The following CHST15 variants were observed in gnomAD, a reference collection of about 807,000 sequenced individuals.
CHST15 encodes B cell RAG associated protein (GALNAC4S-6ST).
Under a neutral mutation model 53.6 loss-of-function variants are expected in CHST15, and 30 were observed. The observed-to-expected ratio is 0.56, with a 90% CI of 0.42 to 0.76. CHST15 has a LOEUF of 0.76. Among genes scored for constraint, CHST15 ranks in the 30% least tolerant of loss-of-function variants. The pLI, the probability that CHST15 is intolerant of heterozygous loss-of-function variation, is 0.00. For synonymous variants in CHST15, 296 were observed against 289.8 expected (o/e 1.02, Z -0.22); for missense variants, 627 against 740.5 (o/e 0.85, Z 1.78).
chr10:124,069,367 ACCC>A (rs60053494), intron 1 of CHST15, among the ~76,000 whole-genome samples: 3 of 141,924 alleles, frequency 2.1e-5, no homozygotes, highest in South Asian at 2.2e-4. Context: ...TGTTTGGGGG[ACCC>A]CCCCCCCAAC....
At chr10:124,020,941 C>G in intron 6 of CHST15, 2 of 1,390,108 alleles carry the variant, frequency 1.4e-6, no homozygotes, top group Non-Finnish European at 1.9e-6. Flanking sequence ...GTTGGGTGTC[C>G]TCATGTCTGC....
At chr10:124,052,475 G>A (rs565778244) in intron 1 of CHST15, among the ~76,000 whole-genome samples, 28 of 152,306 alleles carry the variant, frequency 1.8e-4, no homozygotes, top group African/African-American at 6.7e-4. Context: ...CCAAGTCCAT[G>A]TCCACCCAGC....
In CHST15 at chr10:124,044,939, G is replaced by A. The variant is rs781666175; in HGVS notation, c.547-20C>T. The A allele has an allele frequency of 3.3e-5, 47 of 1,420,628 alleles. No homozygotes were observed. Among genetic ancestry groups the A allele is most frequent in the Non-Finnish European group, 4.0e-5 (43 of 1,080,374 alleles). The allele number at this position is 1,420,628 out of a possible 1,614,324, so 88.0% of individuals were successfully genotyped here. On this transcript the variant is annotated intron_variant, in intron 2 of 7. Coordinates refer to ENST00000435907, the MANE Select transcript of CHST15 (RefSeq NM_001270764.2). Reference sequence around the variant, plus strand: ...AAACATCTGCAAGGAAACAGAGGAGGAGAGACACAGAGGAGGGGAAAATGA... The same window carrying A: ...AAACATCTGCAAGGAAACAGAGGAGAAGAGACACAGAGGAGGGGAAAATGA...
Position 124,007,905 on chromosome 10 carries a change from C to T in CHST15, c.*2244G>A, listed in dbSNP as rs764350461. 2.7e-5 allele frequency: 33 copies of T among 1,231,962 alleles called. No individual in the cohort carries two copies. The highest frequency in any genetic ancestry group is 8.4e-5 in the Admixed American group (2 of 23,696). 76.3% of individuals were successfully genotyped at this position (1,231,962 alleles called of 1,614,324 possible). A position where few individuals can be genotyped will look rare whatever the true frequency, so the allele number is the denominator to read the frequency against. The stretch of plus-strand genomic sequence containing the variant: ...TTTGAATGGCAGGCTCGAGAACCAC[C>T]GCCCAGAACGGAACCTATTCTGTCA... On this transcript the variant is annotated 3_prime_UTR_variant, in exon 8 of 8. Transcript: ENST00000435907.
rs982015935 is a variant in CHST15 at position 124,010,128 on chromosome 10, C to T, written c.*21G>A. On this transcript the variant is annotated 3_prime_UTR_variant, in exon 8 of 8. Transcript: ENST00000435907. ...GATGACGGCATTGGCGGGCCCAGCACGTGCAGCAACAATTCAGCTCTCACG... is the reference window on the plus strand; with the variant it reads ...GATGACGGCATTGGCGGGCCCAGCATGTGCAGCAACAATTCAGCTCTCACG... 1.3e-5 allele frequency: 21 copies of T among 1,611,500 alleles called. No individual in the cohort carries two copies. Among genetic ancestry groups the T allele is most frequent in the Admixed American group, 3.3e-5 (2 of 60,006 alleles).
intron 1 of CHST15, among the ~76,000 whole-genome samples, chr10:124,075,143 T>C (rs1949031530): frequency 6.6e-6 from 1 of 152,218 alleles, no homozygotes; most frequent in Non-Finnish European, 1.5e-5. Context: ...GTGGATAGCT[T>C]AATGGGGAAA....
rs561200789 is a variant in CHST15, at chr10:124,053,670, G to C, written c.-512-6946C>G. On this transcript the variant is annotated intron_variant, in intron 1 of 7. Coordinates refer to ENST00000435907, the MANE Select transcript of CHST15 (RefSeq NM_001270764.2). ...AGGCTGGGCGCAGTGGCTCACACCT[G>C]TCATCCCAGCACTAGGCAGGCGGAT... 2.6e-5 allele frequency among the ~76,000 whole-genome samples: 4 copies of C among 152,098 alleles called. No individual in the cohort carries two copies. In the East Asian group the frequency reaches 7.7e-4, roughly 29 times the overall value.
chr10:124,010,850 G>T lies in CHST15; in HGVS notation c.1496-511C>A, dbSNP rs74392307. Reference sequence around the variant, plus strand: ...TCTTGCTGTGAAGTGGCCATAGGGAGGAGGGCTGGGAGGAGGCCACTTGTG... The same window carrying T: ...TCTTGCTGTGAAGTGGCCATAGGGATGAGGGCTGGGAGGAGGCCACTTGTG... On this transcript the variant is annotated intron_variant, in intron 7 of 7. Coordinates refer to ENST00000435907, the MANE Select transcript of CHST15 (RefSeq NM_001270764.2). The T allele has an allele frequency of 2.7e-3, 2,617 of 985,470 alleles. 37 individuals are homozygous for T. In the African/African-American group the frequency reaches 0.036, roughly 13 times the overall value. The allele number at this position is 985,470 out of a possible 1,614,324, so 61.0% of individuals were successfully genotyped here.
intron 1 of CHST15, among the ~76,000 whole-genome samples, chr10:124,070,137 A>C (rs1948868513): frequency 6.6e-6 from 1 of 152,220 alleles, no homozygotes; most frequent in Non-Finnish European, 1.5e-5. Flanking sequence ...GTGTTGTCCA[A>C]GAAACAGTTT....
intron 1 of CHST15, among the ~76,000 whole-genome samples, chr10:124,062,436 G>A (rs530160075): frequency 4.6e-5 from 7 of 152,138 alleles, no homozygotes; most frequent in African/African-American, 1.7e-4. Context: ...ACCCCTTACC[G>A]GCTGTGTGCC....
chr10:124,050,229 G>C (rs886644142), intron 1 of CHST15, among the ~76,000 whole-genome samples: 3 of 152,150 alleles, frequency 2.0e-5, no homozygotes, highest in African/African-American at 7.2e-5. Context: ...CTCCCCTGAC[G>C]GGCGCGAGTG....
At chr10:124,065,463 T>A (rs1394795605) in intron 1 of CHST15, among the ~76,000 whole-genome samples, 1 of 152,226 alleles carries the variant, frequency 6.6e-6, no homozygotes, top group African/African-American at 2.4e-5. Context: ...TCTATGTCAC[T>A]GAAAACCTGT....
chr10:124,051,366 T>C (rs1294515009), intron 1 of CHST15, among the ~76,000 whole-genome samples: 1 of 152,216 alleles, frequency 6.6e-6, no homozygotes, highest in Non-Finnish European at 1.5e-5. Context: ...GGGGTGGTAT[T>C]GAAAGGAAAA....
At chr10:124,053,610 C>A (rs11488755) in intron 1 of CHST15, among the ~76,000 whole-genome samples, 108,983 of 151,366 alleles carry the variant, frequency 0.72, 40,167 homozygotes, top group African/African-American at 0.89. Flanking sequence ...CACCAGCAGC[C>A]GATAGGCCAA....
intron 1 of CHST15, among the ~76,000 whole-genome samples, chr10:124,067,343 C>T (rs1313139774): frequency 6.6e-6 from 1 of 152,202 alleles, no homozygotes; most frequent in Non-Finnish European, 1.5e-5. Flanking sequence ...CACTTCTGTC[C>T]TGCTTCCTAA....
intron 6 of CHST15, among the ~76,000 whole-genome samples, chr10:124,013,685 A>C (rs1946490146): frequency 6.6e-6 from 1 of 152,166 alleles, no homozygotes; most frequent in Non-Finnish European, 1.5e-5. Context: ...AGTTTCCTCT[A>C]ACTCCACAGT....
At chr10:124,010,764 C>T in intron 7 of CHST15, 1 of 985,458 alleles carries the variant, frequency 1.0e-6, no homozygotes, top group Non-Finnish European at 1.2e-6. Context: ...CCGCCATCAT[C>T]GTTTCTACTT....
chr10:124,084,301 T>C (rs1480396516), intron 1 of CHST15, among the ~76,000 whole-genome samples: 2 of 152,182 alleles, frequency 1.3e-5, no homozygotes, highest in Non-Finnish European at 2.9e-5. Context: ...CCCTTCATCC[T>C]GTGATGAGAC....
chr10:124,068,910 G>A (rs1385710341), intron 1 of CHST15, among the ~76,000 whole-genome samples: 3 of 152,220 alleles, frequency 2.0e-5, no homozygotes, highest in Non-Finnish European at 4.4e-5. Context: ...ACTTTAGAAT[G>A]TTCCACCTTA....
Sources: gnomAD v4.1 joint callset for allele counts (sites outside exome capture counted in the v4.1 genomes callset) on GRCh38, gnomAD v4.1.1 for gene constraint, MANE v1.5 for transcripts, NCBI Gene and HGNC (gene_info 2026-07-23, HGNC 2026-07-21) for gene names.